Variants in SPECC1 observed in about 807,000 individuals in gnomAD.
SPECC1 encodes the protein cytospin-B.
SPECC1 carries 62 observed loss-of-function variants against 104.1 expected under a neutral mutation model. The ratio of observed to expected loss-of-function variants is 0.60; its 90% confidence interval spans 0.49 to 0.74. SPECC1 has a LOEUF of 0.74. SPECC1 is among the 30% of genes least tolerant of loss of function. SPECC1 has a pLI of 0.00. For synonymous variants in SPECC1, 513 were observed against 501.6 expected (o/e 1.02, Z -0.30); for missense variants, 1,306 against 1,310.5 (o/e 1.00, Z 0.05).
At chr17:20,190,345 G>C (rs1402798602) in intron 3 of SPECC1, among the ~76,000 whole-genome samples, 1 of 151,922 alleles carries the variant, frequency 6.6e-6, no homozygotes, top group Non-Finnish European at 1.5e-5. Flanking sequence ...TATATACAGG[G>C]GTTAAAATAA....
intron 4 of SPECC1, among the ~76,000 whole-genome samples, chr17:20,223,255 A>T (rs2038002076): frequency 6.6e-6 from 1 of 151,660 alleles, no homozygotes; most frequent in Non-Finnish European, 1.5e-5. Context: ...GTATATTTTC[A>T]ATTAGCCTGT....
chr17:20,098,700 G>A (rs184913362), intron 2 of SPECC1, among the ~76,000 whole-genome samples: 4 of 152,160 alleles, frequency 2.6e-5, no homozygotes, highest in East Asian at 1.9e-4. Flanking sequence ...CCCTCTGCCC[G>A]GAAAGCACCT....
At chr17:20,275,210 G>C (rs1323521456) in intron 12 of SPECC1, among the ~76,000 whole-genome samples, 1 of 152,084 alleles carries the variant, frequency 6.6e-6, no homozygotes, top group African/African-American at 2.4e-5. Context: ...TTCCAACTTG[G>C]TCATGGTATA....
chr17:20,145,873 T>G (rs755525566), intron 3 of SPECC1, among the ~76,000 whole-genome samples: 1 of 152,180 alleles, frequency 6.6e-6, no homozygotes, highest in Non-Finnish European at 1.5e-5. Context: ...AAGGTCTAGT[T>G]TATTATTTGG....
chr17:20,058,052 A>G (rs1019690202), intron 1 of SPECC1, among the ~76,000 whole-genome samples: 5 of 152,186 alleles, frequency 3.3e-5, no homozygotes, highest in African/African-American at 1.2e-4. Context: ...GCATTAAAAA[A>G]TCATGGTATT....
chr17:20,282,549 C>T (rs1410028287), intron 12 of SPECC1, among the ~76,000 whole-genome samples: 1 of 152,158 alleles, frequency 6.6e-6, no homozygotes, highest in East Asian at 1.9e-4. Flanking sequence ...ATTAAAAATT[C>T]ACCTGGAAGA....
intron 3 of SPECC1, among the ~76,000 whole-genome samples, chr17:20,140,925 A>G (rs949580789): frequency 2.0e-5 from 3 of 152,172 alleles, no homozygotes; most frequent in Admixed American, 6.5e-5. Flanking sequence ...ATTGTGATCT[A>G]TGGCTGTCTT....
At chr17:20,156,532 AC>A (rs1412829089) in intron 3 of SPECC1, among the ~76,000 whole-genome samples, 1 of 152,082 alleles carries the variant, frequency 6.6e-6, no homozygotes, top group Non-Finnish European at 1.5e-5. Flanking sequence ...CTGCGCCTAG[AC>A]CAGGTCTCCT....
intron 3 of SPECC1, among the ~76,000 whole-genome samples, chr17:20,180,014 T>C (rs1387161098): frequency 1.3e-5 from 2 of 152,200 alleles, no homozygotes; most frequent in African/African-American, 2.4e-5. Context: ...ATTTCATCTT[T>C]GTTGGTGTGG....
intron 1 of SPECC1, among the ~76,000 whole-genome samples, chr17:20,048,005 T>C (rs1377144924): frequency 6.6e-6 from 1 of 152,200 alleles, no homozygotes; most frequent in Admixed American, 6.5e-5. Context: ...CTTTTCTCCA[T>C]TGGTGTCCTT....
chr17:20,110,036 C>T (rs931601451), intron 2 of SPECC1, among the ~76,000 whole-genome samples: 1 of 152,066 alleles, frequency 6.6e-6, no homozygotes, highest in African/African-American at 2.4e-5. Flanking sequence ...GACAGAGTCT[C>T]ACTGTTGCCC....
intron 12 of SPECC1, among the ~76,000 whole-genome samples, chr17:20,270,523 G>C (rs2040372844): frequency 1.4e-5 from 2 of 142,544 alleles, no homozygotes; most frequent in South Asian, 4.6e-4. Flanking sequence ...GGAGGCTGAA[G>C]ACAGAGACTT....
intron 3 of SPECC1, among the ~76,000 whole-genome samples, chr17:20,167,251 T>A (rs868657207): frequency 2.2e-4 from 33 of 149,962 alleles, no homozygotes; most frequent in African/African-American, 8.0e-4. Context: ...ATGTTGGATA[T>A]TTTTTAAAAA....
chr17:20,053,669 C>T (rs373443157), intron 1 of SPECC1, among the ~76,000 whole-genome samples: 3 of 152,190 alleles, frequency 2.0e-5, no homozygotes, highest in African/African-American at 7.2e-5. Context: ...ATTGAGATCT[C>T]CTGCCAACAA....
In SPECC1 at chr17:20,304,049, A is replaced by G. The variant is rs564256037; in HGVS notation, c.3058-1974A>G. ...CACTTTGGGAGGCTGAGGTAGGCAG[A>G]TCGCTTGAGCCCAGGAGTTCGAAAC... On this transcript the variant is annotated intron_variant, in intron 13 of 14. Transcript: ENST00000395527. Among the ~76,000 whole-genome samples the G allele has an allele frequency of 8.8e-5, 13 of 148,378 alleles. No homozygotes were observed. In the South Asian group the frequency reaches 1.3e-3, roughly 15 times the overall value.
At chr17:20,249,684 C>G (rs1388198742) in intron 9 of SPECC1, among the ~76,000 whole-genome samples, 1 of 151,956 alleles carries the variant, frequency 6.6e-6, no homozygotes, top group Non-Finnish European at 1.5e-5. Flanking sequence ...ATTAAAGACT[C>G]AATAAAGTTT....
At chr17:20,029,336 T>C (rs1376418429) in intron 1 of SPECC1, among the ~76,000 whole-genome samples, 1 of 152,216 alleles carries the variant, frequency 6.6e-6, no homozygotes, top group South Asian at 2.1e-4. Flanking sequence ...TGTATAGAAA[T>C]ATAATAGATT....
intron 1 of SPECC1, among the ~76,000 whole-genome samples, chr17:20,095,262 A>T (rs929462935): frequency 2.0e-5 from 3 of 152,266 alleles, no homozygotes; most frequent in African/African-American, 7.2e-5. Context: ...AGAATTTTAA[A>T]AAAATCATCA....
chr17:20,261,540 G>T (rs192141738), intron 12 of SPECC1, among the ~76,000 whole-genome samples: 1 of 146,082 alleles, frequency 6.8e-6, no homozygotes, highest in East Asian at 2.0e-4. Context: ...CAAGCTCCCC[G>T]AGCAGTGATG....
Sources: allele counts gnomAD v4.1 joint callset (sites outside exome capture counted in the v4.1 genomes callset), GRCh38; gene constraint gnomAD v4.1.1; transcripts MANE v1.5; gene names NCBI Gene and HGNC (gene_info 2026-07-23, HGNC 2026-07-21).